HECW1: variants seen among roughly 807,000 people sequenced by gnomAD.
The protein encoded by HECW1 is HECT, C2 and WW domain containing E3 ubiquitin protein ligase 1.
A neutral mutation model predicts 182.3 loss-of-function variants in HECW1; 61 were observed. The ratio of observed to expected loss-of-function variants is 0.33; its 90% CI spans 0.27 to 0.41. The LOEUF is 0.41. Ranked by LOEUF, HECW1 falls within the 10% of genes least tolerant of loss-of-function variation. HECW1 has a pLI of 1.00. For synonymous variants in HECW1, 859 were observed against 832.6 expected (o/e 1.03, Z -0.55); for missense variants, 1,739 against 2,108.9 (o/e 0.82, Z 3.44).
chr7:43,298,835 C>A (rs1045676428), intron 3 of HECW1, among the ~76,000 whole-genome samples: 1 of 152,204 alleles, frequency 6.6e-6, no homozygotes, highest in Non-Finnish European at 1.5e-5. Context: ...GTCTGCCGCC[C>A]CCACATCTCG....
At chr7:43,530,212 C>T (rs972961027) in intron 24 of HECW1, among the ~76,000 whole-genome samples, 7 of 151,178 alleles carry the variant, frequency 4.6e-5, no homozygotes, top group Non-Finnish European at 7.4e-5. Flanking sequence ...CCCACCTCAG[C>T]CTTCCAAAGC....
intron 24 of HECW1, among the ~76,000 whole-genome samples, chr7:43,528,868 A>G (rs973951817): frequency 6.6e-6 from 1 of 152,248 alleles, no homozygotes; most frequent in Non-Finnish European, 1.5e-5. Flanking sequence ...TTCTCAGCTA[A>G]TTTGTAAAAT....
intron 5 of HECW1, among the ~76,000 whole-genome samples, chr7:43,345,887 T>A (rs1165668818): frequency 2.0e-5 from 3 of 151,604 alleles, no homozygotes; most frequent in Non-Finnish European, 4.4e-5. Flanking sequence ...CTACAGCCAC[T>A]TGTTGATTGA....
At chr7:43,446,154 TTTGTTG>T (rs57196739) in intron 11 of HECW1, among the ~76,000 whole-genome samples, 1 of 151,714 alleles carries the variant, frequency 6.6e-6, no homozygotes, top group Non-Finnish European at 1.5e-5. Context: ...TTGGTTTTGT[TTTGTTG>T]TTGTTGTTGT....
intron 3 of HECW1, among the ~76,000 whole-genome samples, chr7:43,277,088 C>T (rs908445080): frequency 4.6e-5 from 7 of 152,190 alleles, no homozygotes; most frequent in Non-Finnish European, 7.3e-5. Context: ...TCTTCTTTCT[C>T]TATCTAATGT....
intron 3 of HECW1, among the ~76,000 whole-genome samples, chr7:43,265,313 A>G (rs1801653743): frequency 6.6e-6 from 1 of 152,216 alleles, no homozygotes; most frequent in Non-Finnish European, 1.5e-5. Context: ...TACTCTGCTT[A>G]CAACTCATTG....
At chr7:43,334,867 T>C (rs1193191902) in intron 5 of HECW1, among the ~76,000 whole-genome samples, 1 of 152,200 alleles carries the variant, frequency 6.6e-6, no homozygotes, top group Non-Finnish European at 1.5e-5. Context: ...ATACTCTATC[T>C]CTATACCGAG....
intron 3 of HECW1, among the ~76,000 whole-genome samples, chr7:43,297,869 G>T (rs1806236056): frequency 6.6e-6 from 1 of 152,202 alleles, no homozygotes; most frequent in Non-Finnish European, 1.5e-5. Context: ...GCCAGGAGTT[G>T]AAGACCAATC....
chr7:43,445,633 C>T, intron 11 of HECW1, 63 bp downstream of exon 11: 1 of 1,463,746 alleles, frequency 6.8e-7, no homozygotes, highest in African/African-American at 1.4e-5. Context: ...GTGTCACCAA[C>T]AGTTTAAAAA....
intron 11 of HECW1, among the ~76,000 whole-genome samples, 165 bp downstream of exon 11, chr7:43,445,735 A>G (rs193301136): frequency 1.1e-4 from 16 of 152,306 alleles, no homozygotes; most frequent in African/African-American, 3.6e-4. Context: ...TCTGTGTATG[A>G]GCATAGATGA....
At chr7:43,185,220 A>G (rs1204671887) in intron 2 of HECW1, among the ~76,000 whole-genome samples, 1 of 152,142 alleles carries the variant, frequency 6.6e-6, no homozygotes, top group East Asian at 1.9e-4. Context: ...TAGCACACCT[A>G]GAGAGGGCAT....
chr7:43,224,258 AC>A (rs1273959052), intron 2 of HECW1, among the ~76,000 whole-genome samples: 1 of 152,246 alleles, frequency 6.6e-6, no homozygotes, highest in Admixed American at 6.5e-5. Flanking sequence ...CCCAGTGCTT[AC>A]CAGGCCCATG....
intron 19 of HECW1, among the ~76,000 whole-genome samples, chr7:43,496,210 T>G (rs1052736226): frequency 5.3e-5 from 8 of 150,888 alleles, no homozygotes; most frequent in Non-Finnish European, 8.8e-5. Context: ...GTATGGAAAC[T>G]AATAACCTAT....
intron 16 of HECW1, among the ~76,000 whole-genome samples, chr7:43,473,135 C>T (rs1280681776): frequency 1.3e-5 from 2 of 152,174 alleles, no homozygotes; most frequent in African/African-American, 4.8e-5. Context: ...TTGTTAAAAA[C>T]AGCCTGGCAC....
At chr7:43,214,022 T>A (rs2152697255) in intron 2 of HECW1, among the ~76,000 whole-genome samples, 1 of 152,214 alleles carries the variant, frequency 6.6e-6, no homozygotes, top group East Asian at 1.9e-4. Flanking sequence ...ATTTTAATTC[T>A]TTAAAAGCTG....
At chr7:43,201,625 C>T (rs1257114532) in intron 2 of HECW1, among the ~76,000 whole-genome samples, 4 of 152,192 alleles carry the variant, frequency 2.6e-5, no homozygotes, top group Non-Finnish European at 4.4e-5. Context: ...ATTTTCTTCA[C>T]AATTCCACTT....
chr7:43,493,005 A>G lies in HECW1; in HGVS notation c.3341-79A>G, dbSNP rs2078987210. 9.8e-6 allele frequency: 9 copies of G among 914,920 alleles called. No individual in the cohort carries two copies. The South Asian group carries it at 1.5e-4, about 15-fold the overall frequency. The allele number at this position is 914,920 out of a possible 1,614,324, so 56.7% of individuals were successfully genotyped here. A position where few individuals can be genotyped will look rare whatever the true frequency, so the allele number is the denominator to read the frequency against. The stretch of plus-strand genomic sequence containing the variant: ...AAACTCCTTCATTAATCCTGGTATC[A>G]AGCAGCCATTTTCCAATCATCAGAG... On this transcript the variant is annotated intron_variant, in intron 18 of 29. Coordinates refer to ENST00000395891, the MANE Select transcript of HECW1 (RefSeq NM_015052.5).
At position 43,563,848 on chromosome 7, in the gene HECW1, G is replaced by A. The variant is rs777193930; in HGVS notation, c.*1922G>A. 9 of 179,694 alleles carry A rather than the reference G, an allele frequency of 5.0e-5. No individual in the cohort carries two copies. The highest frequency in any genetic ancestry group is 1.1e-4 in the Non-Finnish European group (9 of 84,250). 11.1% of individuals were successfully genotyped at this position (179,694 alleles called of 1,614,324 possible). On this transcript the variant is annotated 3_prime_UTR_variant, in exon 30 of 30. Coordinates refer to ENST00000395891, the MANE Select transcript of HECW1 (RefSeq NM_015052.5). ...TGTGCCACTGCACTCCAGCCTGGAT[G>A]ATCAAGGGAGACACCATCTAAAAAA...
intron 3 of HECW1, among the ~76,000 whole-genome samples, chr7:43,255,221 A>G (rs114081619): frequency 0.014 from 2,182 of 152,330 alleles, 53 homozygotes; most frequent in African/African-American, 0.049. Context: ...AGAGTTTGAA[A>G]TAAAAATAGC....
Sources: gnomAD v4.1 joint callset for allele counts (sites outside exome capture counted in the v4.1 genomes callset) on GRCh38, gnomAD v4.1.1 for gene constraint, MANE v1.5 for transcripts, NCBI Gene and HGNC (gene_info 2026-07-23, HGNC 2026-07-21) for gene names.